Variants in PRICKLE1 observed in about 807,000 individuals in gnomAD.
PRICKLE1 encodes the protein prickle-like protein 1.
PRICKLE1 carries 14 observed loss-of-function variants against 70.2 expected under a neutral mutation model. That is an observed-to-expected ratio of 0.20 (90% CI 0.13 to 0.31). The LOEUF (loss-of-function observed/expected upper bound fraction) is 0.31, where lower values mean the gene tolerates loss of function less well. Among genes scored for constraint, PRICKLE1 ranks in the 10% least tolerant of loss-of-function variants. The pLI is 1.00. For synonymous variants in PRICKLE1, 357 were observed against 379.9 expected (o/e 0.94, Z 0.70); for missense variants, 821 against 1,026.2 (o/e 0.80, Z 2.73).
intron 1 of PRICKLE1, among the ~76,000 whole-genome samples, chr12:42,480,800 T>C (rs1298332729): frequency 6.6e-6 from 1 of 152,170 alleles, no homozygotes; most frequent in East Asian, 1.9e-4. Context: ...ATGGCAATGG[T>C]GTCTGAATCC....
intron 1 of PRICKLE1, among the ~76,000 whole-genome samples, chr12:42,543,584 G>A (rs558060578): frequency 2.5e-4 from 38 of 152,100 alleles, no homozygotes; most frequent in Middle Eastern, 3.4e-3. Flanking sequence ...GTGCAGTGGC[G>A]CGATCTTGGC....
At chr12:42,514,694 C>T (rs28491015) in intron 1 of PRICKLE1, among the ~76,000 whole-genome samples, 69,066 of 151,752 alleles carry the variant, frequency 0.46, 16,201 homozygotes, top group East Asian at 0.72. Context: ...TTTTTTAAAC[C>T]TAATTTTTTT....
chr12:42,580,826 GACT>G, intron 1 of PRICKLE1, among the ~76,000 whole-genome samples: 1 of 152,020 alleles, frequency 6.6e-6, no homozygotes, highest in South Asian at 2.1e-4. Flanking sequence ...AAATATCAAT[GACT>G]ACTTTTAAGG....
intron 1 of PRICKLE1, among the ~76,000 whole-genome samples, chr12:42,559,624 A>T (rs2406866): frequency 0.25 from 19,731 of 80,298 alleles, 2,935 homozygotes; most frequent in South Asian, 0.35. Context: ...ATATATATAT[A>T]TTTTTTTTTT....
chr12:42,477,241 G>A (rs1393487442), intron 1 of PRICKLE1, among the ~76,000 whole-genome samples: 2 of 151,444 alleles, frequency 1.3e-5, no homozygotes, highest in African/African-American at 2.4e-5. Context: ...GTGTGGTGGT[G>A]CACACCTGTA....
chr12:42,588,503 AGTT>A (rs1259619985), intron 1 of PRICKLE1, among the ~76,000 whole-genome samples: 2 of 151,476 alleles, frequency 1.3e-5, no homozygotes, highest in African/African-American at 4.8e-5. Flanking sequence ...TTTTGGTTGT[AGTT>A]GTTGGTGCTT....
chr12:42,579,874 T>C (rs1193275784), intron 1 of PRICKLE1, among the ~76,000 whole-genome samples: 1 of 151,496 alleles, frequency 6.6e-6, no homozygotes, highest in African/African-American at 2.4e-5. Context: ...ATGGAGTTTA[T>C]ATTATTTTTT....
At chr12:42,516,884 C>G (rs1052862089) in intron 1 of PRICKLE1, among the ~76,000 whole-genome samples, 1 of 152,188 alleles carries the variant, frequency 6.6e-6, no homozygotes, top group African/African-American at 2.4e-5. Context: ...CCATCTCCTG[C>G]CTATGGGGTG....
intron 1 of PRICKLE1, among the ~76,000 whole-genome samples, chr12:42,585,485 C>G (rs1020510693): frequency 4.6e-5 from 7 of 152,112 alleles, no homozygotes; most frequent in African/African-American, 1.4e-4. Context: ...CCCCACCCCC[C>G]ACAACTGGAA....
At chr12:42,543,025 T>C (rs1566119993) in intron 1 of PRICKLE1, among the ~76,000 whole-genome samples, 1 of 152,210 alleles carries the variant, frequency 6.6e-6, no homozygotes, top group Non-Finnish European at 1.5e-5. Context: ...CTTTCCACCA[T>C]ATAAGGACAC....
intron 1 of PRICKLE1, among the ~76,000 whole-genome samples, chr12:42,582,544 C>T (rs951468218): frequency 2.6e-4 from 39 of 152,202 alleles, no homozygotes; most frequent in African/African-American, 8.9e-4. Context: ...TTCATAGTCA[C>T]AGAAGAATGT....
At chr12:42,541,587 C>T (rs900652734) in intron 1 of PRICKLE1, among the ~76,000 whole-genome samples, 1 of 152,130 alleles carries the variant, frequency 6.6e-6, no homozygotes, top group African/African-American at 2.4e-5. Flanking sequence ...ATTCTCCTGC[C>T]TCAGCCTCCC....
At chr12:42,488,110 G>A (rs1939021827) in intron 1 of PRICKLE1, among the ~76,000 whole-genome samples, 1 of 152,106 alleles carries the variant, frequency 6.6e-6, no homozygotes, top group Non-Finnish European at 1.5e-5. Flanking sequence ...CTTTGTTGAA[G>A]TTCTGGACTG....
At position 42,553,145 on chromosome 12, in the gene PRICKLE1, A is replaced by AT. The variant is rs572856227; in HGVS notation, c.-49+36319dup. Among the ~76,000 whole-genome samples the AT allele has an allele frequency of 3.2e-3, 479 of 147,662 alleles. 3 individuals carry two copies. The highest frequency in any genetic ancestry group is 0.011 in the South Asian group (50 of 4,660). ...TTATGTGTCATCCCCAGGTTCTTAAATTTTTTTTTTTTCTCGGCCGGGCTT... is the reference window on the plus strand; with the variant it reads ...TTATGTGTCATCCCCAGGTTCTTAAATTTTTTTTTTTTTCTCGGCCGGGCTT... On this transcript the variant is annotated intron_variant, in intron 1 of 7. Transcript: ENST00000345127.
intron 1 of PRICKLE1, among the ~76,000 whole-genome samples, chr12:42,555,066 G>C (rs1433255338): frequency 6.6e-6 from 1 of 152,032 alleles, no homozygotes; most frequent in East Asian, 1.9e-4. Flanking sequence ...GCTTTGGGAG[G>C]CCGAGGAGGG....
In PRICKLE1 at chr12:42,464,765, A is replaced by G; in HGVS notation, c.1269T>C (p.Gly423=). The G allele has an allele frequency of 6.2e-7, 1 of 1,613,970 alleles. No homozygotes were observed. The highest frequency in any genetic ancestry group is 1.1e-5 in the South Asian group (1 of 91,070). Residue 423 remains glycine, a synonymous_variant, in exon 7 of 8, where the codon GGT becomes GGC. Coordinates refer to ENST00000345127, the MANE Select transcript of PRICKLE1 (RefSeq NM_153026.3). The surrounding 1 kb of genome is among the most constrained non-coding windows in gnomAD (Gnocchi z 4.2). ...DYMTQLLLKF[G]DKSLFQPQPN... is the part of the protein sequence containing the mutation. The stretch of plus-strand genomic sequence containing the variant: ...GCTGTGGCTGAAAGAGGCTTTTATC[A>G]CCAAACTTGAGGAGGAGCTGCGTCA...
chr12:42,470,905 CAA>C (rs201660544), intron 2 of PRICKLE1, among the ~76,000 whole-genome samples: 7 of 113,494 alleles, frequency 6.2e-5, no homozygotes, highest in Non-Finnish European at 9.5e-5. Context: ...GAATCCGTCT[CAA>C]AAAAAAAAAA....
chr12:42,557,359 G>A (rs1350376191), intron 1 of PRICKLE1, among the ~76,000 whole-genome samples: 1 of 152,096 alleles, frequency 6.6e-6, no homozygotes, highest in African/African-American at 2.4e-5. Context: ...CCAAATGAAG[G>A]AAGCAAGCTA....
chr12:42,477,220 A>G (rs112606333), intron 1 of PRICKLE1, among the ~76,000 whole-genome samples: 4,403 of 151,632 alleles, frequency 0.029, 235 homozygotes, highest in African/African-American at 0.1. Flanking sequence ...TAAAAATACA[A>G]AATTATCCAG....
Sources: gnomAD v4.1 joint callset for allele counts (sites outside exome capture counted in the v4.1 genomes callset) on GRCh38, gnomAD v4.1.1 for gene constraint, Gnocchi (gnomAD v3.1) non-coding constraint, MANE v1.5 for transcripts, NCBI Gene and HGNC (gene_info 2026-07-23, HGNC 2026-07-21) for gene names.